The following MYH11 variants were observed in gnomAD, a reference collection of about 807,000 sequenced individuals.
MYH11 encodes the protein myosin-11.
In MYH11, 80 loss-of-function variants were observed where a neutral mutation model predicts 246.6. That is an observed-to-expected ratio of 0.32 (90% CI 0.27 to 0.39). The LOEUF (loss-of-function observed/expected upper bound fraction) is 0.39. MYH11 is among the 10% of genes least tolerant of loss of function. MYH11 has a pLI of 1.00. For synonymous variants in MYH11, 1,071 were observed against 1,015.5 expected, an observed-to-expected ratio of 1.05 and a Z score of -1.04; for missense variants, 2,158 against 2,546.8, an observed-to-expected ratio of 0.85 and a Z score of 3.29.
chr16:15,837,859 C>G lies in MYH11; in HGVS notation c.345+49G>C, dbSNP rs748633735. On this transcript the variant is annotated intron_variant, in intron 2 of 40. Coordinates refer to ENST00000300036, the MANE Select transcript of MYH11 (RefSeq NM_002474.3). Reference sequence around the variant, plus strand: ...CCTCCCAACACATTTCTAATGCCTACTTTCCTTATGAGGCCAGGAGTAGGT... The same window carrying G: ...CCTCCCAACACATTTCTAATGCCTAGTTTCCTTATGAGGCCAGGAGTAGGT... 7 of 1,544,220 alleles carry G rather than the reference C, an allele frequency of 4.5e-6. No individual in the cohort carries two copies. In the African/African-American group the frequency reaches 5.4e-5, roughly 12 times the overall value.
intron 14 of MYH11, among the ~76,000 whole-genome samples, chr16:15,754,446 G>C (rs1280079999): frequency 6.6e-6 from 1 of 152,162 alleles, no homozygotes; most frequent in African/African-American, 2.4e-5. Context: ...ATCATGGGAT[G>C]TGGGTTATCA....
chr16:15,843,749 G>A (rs753979487), intron 1 of MYH11, among the ~76,000 whole-genome samples: 9 of 151,960 alleles, frequency 5.9e-5, no homozygotes, highest in Non-Finnish European at 1.3e-4. Context: ...TGGCAAGTTG[G>A]CAAGTTCTAC....
chr16:15,706,421 G>C (rs571353275), intron 40 of MYH11, among the ~76,000 whole-genome samples: 71 of 152,224 alleles, frequency 4.7e-4, no homozygotes, highest in Middle Eastern at 3.4e-3. Flanking sequence ...ACCCTGATGG[G>C]TTGGCCAGTT....
intron 4 of MYH11, among the ~76,000 whole-genome samples, chr16:15,797,552 TAA>T (rs200482036): frequency 1.9e-4 from 28 of 146,766 alleles, no homozygotes; most frequent in African/African-American, 6.8e-4. Flanking sequence ...TATATATATA[TAA>T]ATATAAATAT....
intron 2 of MYH11, among the ~76,000 whole-genome samples, chr16:15,829,422 T>A (rs1487948326): frequency 1.3e-5 from 2 of 152,080 alleles, no homozygotes; most frequent in Non-Finnish European, 2.9e-5. Context: ...GGAGTGAAGG[T>A]AAGACTGGTG....
intron 1 of MYH11, among the ~76,000 whole-genome samples, chr16:15,842,353 G>A (rs1050568466): frequency 2.0e-5 from 3 of 151,750 alleles, no homozygotes; most frequent in Admixed American, 6.6e-5. Flanking sequence ...GCCTCTCACC[G>A]CACTCCAGCC....
chr16:15,790,133 T>C (rs1319816659), intron 4 of MYH11, among the ~76,000 whole-genome samples: 1 of 152,118 alleles, frequency 6.6e-6, no homozygotes, highest in African/African-American at 2.4e-5. Context: ...GGTGAAACCC[T>C]GTCTCTACTA....
intron 40 of MYH11, chr16:15,708,799 A>G (rs774813200): frequency 2.5e-6 from 4 of 1,607,352 alleles, no homozygotes; most frequent in Non-Finnish European, 2.5e-6. Flanking sequence ...TGAAGGCATG[A>G]TACCTGGTGC....
intron 26 of MYH11, among the ~76,000 whole-genome samples, chr16:15,733,691 C>T (rs1218812184): frequency 6.6e-6 from 1 of 151,916 alleles, no homozygotes; most frequent in Non-Finnish European, 1.5e-5. Context: ...TACCGACGCC[C>T]ACCACCACGC....
intron 40 of MYH11, among the ~76,000 whole-genome samples, chr16:15,707,856 C>T (rs1231155997): frequency 2.6e-5 from 4 of 151,718 alleles, no homozygotes; most frequent in Non-Finnish European, 5.9e-5. Flanking sequence ...CCTGTAATCC[C>T]AGCTACTCAG....
In MYH11 at chr16:15,724,689, G is replaced by A. The variant is rs370519992; in HGVS notation, c.4074C>T (p.Ala1358=). 6 of 1,614,052 alleles carry A rather than the reference G, an allele frequency of 3.7e-6. No homozygotes were observed. The highest frequency in any genetic ancestry group is 5.1e-6 in the Non-Finnish European group (6 of 1,180,026). ...LQDQLDEEME[A]KQNLERHIST... The stretch of plus-strand genomic sequence containing the variant: ...AGATGTGGCGCTCCAGGTTCTGCTT[G>A]GCCTCCATCTCCTCGTCCAGCTGGT... The change falls in exon 30 of 41, where the codon GCC becomes GCT. Residue 1358 remains alanine, a synonymous_variant. Coordinates refer to ENST00000300036, the MANE Select transcript of MYH11 (RefSeq NM_002474.3).
rs747864632 is a variant in MYH11 at position 15,718,385 on chromosome 16, T to C, written c.5225A>G (p.Glu1742Gly). ...RRLEARIAQL[E>G]EELEEEQGNM... ...GCCCTGCTCCTCCTCCAGCTCCTCC[T>C]CCAGCTGGGCGATCCGGGCCTCCAG... Residue 1742 changes from glutamate (E) to glycine (G), a missense_variant, in exon 37 of 41, where the codon GAG becomes GGG. This residue lies in a region of MYH11 where 1,013 missense variants were observed against 993.5 expected (regional missense o/e 1.02). Coordinates refer to ENST00000300036, the MANE Select transcript of MYH11 (RefSeq NM_002474.3). 12 of 1,600,506 alleles carry C rather than the reference T, an allele frequency of 7.5e-6. No homozygotes were observed. In the Admixed American group the frequency reaches 1.3e-4, roughly 18 times the overall value.
At chr16:15,709,237 C>T (rs768899078) in intron 40 of MYH11, among the ~76,000 whole-genome samples, 14 of 151,922 alleles carry the variant, frequency 9.2e-5, no homozygotes, top group Non-Finnish European at 1.8e-4. Context: ...CATGAACCAC[C>T]GCACCTGGCA....
At chr16:15,818,085 T>C (rs755998264) in intron 3 of MYH11, among the ~76,000 whole-genome samples, 2 of 152,224 alleles carry the variant, frequency 1.3e-5, no homozygotes, top group Non-Finnish European at 2.9e-5. Flanking sequence ...TTACTGTCTA[T>C]GTGACACAAC....
intron 1 of MYH11, among the ~76,000 whole-genome samples, chr16:15,852,675 A>C (rs1430746667): frequency 1.3e-5 from 2 of 152,050 alleles, no homozygotes; most frequent in African/African-American, 4.8e-5. Flanking sequence ...AATATCTATT[A>C]ATTTTAGATA....
rs1373159129 is a variant in MYH11 at position 15,750,900 on chromosome 16, T to C, written c.1865-569A>G. On this transcript the variant is annotated intron_variant, in intron 15 of 40. Coordinates refer to ENST00000300036, the MANE Select transcript of MYH11 (RefSeq NM_002474.3). The surrounding 1 kb of genome is among the most constrained non-coding windows in gnomAD (Gnocchi z 4.3). ...AATATCTTGAGTAGTGAGGTGTGCG[T>C]AGAAAAATAAAAATAGGGTAAAGCG... Among the ~76,000 whole-genome samples, 1 of 151,874 alleles carries C rather than the reference T, an allele frequency of 6.6e-6. No homozygotes were observed. The highest frequency in any genetic ancestry group is 1.5e-5 in the Non-Finnish European group (1 of 67,988).
chr16:15,835,785 G>A (rs889872928), intron 2 of MYH11, among the ~76,000 whole-genome samples: 1 of 136,898 alleles, frequency 7.3e-6, no homozygotes, highest in African/African-American at 2.7e-5. Context: ...ACAAGGTCTT[G>A]CTCTGTCACC....
At chr16:15,772,141 G>A (rs1412702355) in intron 8 of MYH11, among the ~76,000 whole-genome samples, 1 of 147,084 alleles carries the variant, frequency 6.8e-6, no homozygotes, top group African/African-American at 2.5e-5. Flanking sequence ...GTCCAGGCAG[G>A]AGTGCAGTGG....
intron 23 of MYH11, among the ~76,000 whole-genome samples, 159 bp from the exon 24 acceptor site, chr16:15,738,847 A>C (rs1040016884): frequency 6.6e-6 from 1 of 152,180 alleles, no homozygotes; most frequent in Non-Finnish European, 1.5e-5. Context: ...TCCCATAACA[A>C]TTTCCAAAAA....
Sources: gnomAD v4.1 joint callset for allele counts (sites outside exome capture counted in the v4.1 genomes callset) on GRCh38, gnomAD v4.1.1 for gene constraint, gnomAD v4.1.1 regional missense constraint, Gnocchi (gnomAD v3.1) non-coding constraint, MANE v1.5 for transcripts, NCBI Gene and HGNC (gene_info 2026-07-23, HGNC 2026-07-21) for gene names.